Variants in THSD4 observed in about 807,000 individuals in gnomAD.
THSD4 encodes thrombospondin type 1 domain containing 4, also known as thrombospondin type-1 domain-containing protein 4.
In THSD4, 69 loss-of-function variants were observed where a neutral mutation model predicts 119.0. That is an observed-to-expected ratio of 0.58 (90% CI 0.48 to 0.71). THSD4 has a LOEUF of 0.71. Among genes scored for constraint, THSD4 ranks in the 30% least tolerant of loss-of-function variants. The pLI, the probability that THSD4 is intolerant of heterozygous loss-of-function variation, is 0.00. For missense variants in THSD4, 1,393 were observed against 1,391.1 expected (o/e 1.00, Z -0.02); for synonymous variants, 524 against 540.4 (o/e 0.97, Z 0.42).
In THSD4 at chr15:71,778,796, C is replaced by G. The variant is rs1006780661; in HGVS notation, c.*1422C>G. On this transcript the variant is annotated 3_prime_UTR_variant, in exon 18 of 18. Transcript: ENST00000261862. ...TTCCCCATCTCTTCCAATTCACTTT[C>G]CCCAACTATCCAGTTCCAGAGGCCG... is the stretch of plus-strand genomic sequence containing the variant. 2 of 152,324 alleles carry G rather than the reference C, an allele frequency of 1.3e-5. No individual in the cohort carries two copies. The highest frequency in any genetic ancestry group is 2.9e-5 in the Non-Finnish European group (2 of 68,134). The allele number at this position is 152,324 out of a possible 1,614,324, so 9.4% of individuals were successfully genotyped here.
At chr15:71,249,027 T>C (rs984845568) in intron 5 of THSD4, among the ~76,000 whole-genome samples, 4 of 152,172 alleles carry the variant, frequency 2.6e-5, no homozygotes, top group African/African-American at 7.2e-5. Context: ...GTATCAGTGT[T>C]TTTGCAGCAT....
intron 3 of THSD4, chr15:71,165,275 CT>C (rs1352852296): frequency 2.5e-6 from 4 of 1,583,686 alleles, no homozygotes; most frequent in Non-Finnish European, 3.5e-6. Flanking sequence ...GGTCTTCCAC[CT>C]CTCTGAGCAC....
intron 1 of THSD4, among the ~76,000 whole-genome samples, chr15:71,099,559 T>C (rs1429246771): frequency 6.6e-6 from 1 of 152,194 alleles, no homozygotes; most frequent in Non-Finnish European, 1.5e-5. Flanking sequence ...TGTTCTAAAG[T>C]TGATTTTAAT....
intron 7 of THSD4, among the ~76,000 whole-genome samples, chr15:71,556,527 A>G (rs1402676210): frequency 6.6e-6 from 1 of 152,172 alleles, no homozygotes; most frequent in African/African-American, 2.4e-5. Context: ...AGGCAGGCAG[A>G]TCACGTGAGC....
intron 7 of THSD4, among the ~76,000 whole-genome samples, chr15:71,531,690 G>C (rs2048612216): frequency 6.6e-6 from 1 of 152,226 alleles, no homozygotes; most frequent in Non-Finnish European, 1.5e-5. Flanking sequence ...ACAGTGCCTA[G>C]TGGCACAGAT....
At chr15:71,604,318 T>C (rs2050067049) in intron 7 of THSD4, among the ~76,000 whole-genome samples, 1 of 152,196 alleles carries the variant, frequency 6.6e-6, no homozygotes, top group Admixed American at 6.5e-5. Flanking sequence ...ACACTAGAAA[T>C]TCAATGCATT....
intron 6 of THSD4, among the ~76,000 whole-genome samples, chr15:71,358,962 A>G (rs901186072): frequency 6.6e-6 from 1 of 152,244 alleles, no homozygotes; most frequent in African/African-American, 2.4e-5. Flanking sequence ...CTGCCTAAGC[A>G]TAGCCCACCC....
intron 3 of THSD4, among the ~76,000 whole-genome samples, chr15:71,214,594 G>A (rs2043914744): frequency 6.6e-6 from 1 of 152,250 alleles, no homozygotes; most frequent in Admixed American, 6.5e-5. Flanking sequence ...GGAAGTGGTG[G>A]CAGGGGTGTA....
intron 7 of THSD4, among the ~76,000 whole-genome samples, chr15:71,603,739 G>A (rs1399201970): frequency 1.3e-5 from 2 of 152,134 alleles, no homozygotes; most frequent in South Asian, 2.1e-4. Flanking sequence ...CTCTCCCTCT[G>A]GTGGGAGAAT....
intron 3 of THSD4, among the ~76,000 whole-genome samples, chr15:71,161,544 A>G (rs556603456): frequency 6.6e-6 from 1 of 151,958 alleles, no homozygotes; most frequent in Admixed American, 6.6e-5. Flanking sequence ...ATTTCATCTC[A>G]TGTAAGAATG....
intron 6 of THSD4, among the ~76,000 whole-genome samples, chr15:71,275,960 C>T (rs947645864): frequency 6.6e-6 from 1 of 152,148 alleles, no homozygotes; most frequent in Non-Finnish European, 1.5e-5. Flanking sequence ...CCCAGTCTAG[C>T]GTAAGTTTCT....
Position 71,757,991 on chromosome 15 carries a change from G to A in THSD4, c.2505G>A (p.Gly835=). The A allele has an allele frequency of 1.9e-6, 3 of 1,614,102 alleles. 1 individual carries two copies. The highest frequency in any genetic ancestry group is 8.5e-7 in the Non-Finnish European group (1 of 1,180,010). The part of the protein sequence containing the change: ...HVSSLPLEGC[G]NNRPAEATPC... ...GCAGCCTGCCCCTGGAGGGCTGTGG[G>A]AACAACCGGCCGGCAGAGGCCACCC... The change falls in exon 15 of 18, where the codon GGG becomes GGA. Residue 835 remains glycine (G), a synonymous_variant. Transcript: ENST00000261862.
At chr15:71,563,082 C>G (rs1331149843) in intron 7 of THSD4, among the ~76,000 whole-genome samples, 1 of 152,184 alleles carries the variant, frequency 6.6e-6, no homozygotes, top group Non-Finnish European at 1.5e-5. Context: ...TCTGGTCTCC[C>G]AGTAAGCCTG....
chr15:71,111,213 G>A, upstream of THSD4: 9 of 1,613,640 alleles, frequency 5.6e-6, no homozygotes, highest in Non-Finnish European at 7.6e-6. Flanking sequence ...AGCAGAAAAG[G>A]GAAAGAGAAG....
intron 7 of THSD4, among the ~76,000 whole-genome samples, chr15:71,599,717 GC>G (rs2049971184): frequency 6.6e-6 from 1 of 152,214 alleles, no homozygotes; most frequent in African/African-American, 2.4e-5. Flanking sequence ...GTTCCCTTCT[GC>G]CGCTCAGCCG....
chr15:71,097,090 G>A (rs1346619543), intron 1 of THSD4: 2 of 152,192 alleles, frequency 1.3e-5, no homozygotes, highest in African/African-American at 4.8e-5. Context: ...AATTAAAATG[G>A]TTTAAAGTCA....
rs145732428 is a variant in THSD4 at position 71,480,115 on chromosome 15, C to T, written c.1152+68292C>T. On this transcript the variant is annotated intron_variant, in intron 7 of 17. Coordinates refer to ENST00000261862, the MANE Select transcript of THSD4 (RefSeq NM_024817.3). ...GCAGTGGTGGGATCTCAGCTCACTGCAACCTCCGCTGCCTGGGCTCAAGCG... is the reference window on the plus strand; with the variant it reads ...GCAGTGGTGGGATCTCAGCTCACTGTAACCTCCGCTGCCTGGGCTCAAGCG... 3.5e-3 allele frequency among the ~76,000 whole-genome samples: 539 copies of T among 152,336 alleles called. 2 individuals are homozygous for T. Among genetic ancestry groups the T allele is most frequent in the African/African-American group, 0.012 (505 of 41,572 alleles).
intron 6 of THSD4, among the ~76,000 whole-genome samples, chr15:71,375,485 C>T (rs1488353445): frequency 6.6e-6 from 1 of 152,192 alleles, no homozygotes; most frequent in African/African-American, 2.4e-5. Flanking sequence ...TTGGGTCACT[C>T]TTCCCCAGCC....
chr15:71,504,852 A>C (rs1044156872), intron 7 of THSD4, among the ~76,000 whole-genome samples: 1 of 152,166 alleles, frequency 6.6e-6, no homozygotes, highest in East Asian at 1.9e-4. Flanking sequence ...CCAGGACCCA[A>C]CATTAACATG....
Sources: allele counts gnomAD v4.1 joint callset (sites outside exome capture counted in the v4.1 genomes callset), GRCh38; gene constraint gnomAD v4.1.1; transcripts MANE v1.5; gene names NCBI Gene and HGNC (gene_info 2026-07-23, HGNC 2026-07-21).